Variants in SGMS2 observed in about 807,000 individuals in gnomAD.
SGMS2 encodes the protein phosphatidylcholine:ceramide cholinephosphotransferase 2.
Under a neutral mutation model 43.8 loss-of-function variants are expected in SGMS2, and 21 were observed. The ratio of observed to expected loss-of-function variants is 0.48; its 90% CI spans 0.34 to 0.69. The LOEUF is 0.69. SGMS2 is among the 30% of genes least tolerant of loss of function. SGMS2 has a pLI of 0.01. For synonymous variants in SGMS2, 167 were observed against 160.6 expected, an observed-to-expected ratio of 1.04 and a Z score of -0.30; for missense variants, 384 against 443.2, an observed-to-expected ratio of 0.87 and a Z score of 1.20.
intron 1 of SGMS2, among the ~76,000 whole-genome samples, chr4:107,853,677 T>C (rs1560639318): frequency 6.6e-6 from 1 of 152,212 alleles, no homozygotes; most frequent in East Asian, 1.9e-4. Context: ...TGAACAAATA[T>C]TTATAACCCT....
At chr4:107,863,401 C>G (rs919468213) in intron 2 of SGMS2, 1 of 152,166 alleles carries the variant, frequency 6.6e-6, no homozygotes, top group Non-Finnish European at 1.5e-5. Context: ...TTAGCTTGCT[C>G]GCCATGCTCT....
rs139689003 is a variant in SGMS2, at chr4:107,834,391, C to A, written c.-327+9138C>A. On this transcript the variant is annotated intron_variant, in intron 1 of 6. Transcript: ENST00000690982. ...AAAAAGTGTCTTAGTAATTCTGGAG[C>A]AGGTAGAGCCACTTGAATCTTTTTT... Among the ~76,000 whole-genome samples, 44 of 152,298 alleles carry A rather than the reference C, an allele frequency of 2.9e-4. No homozygotes were observed. The East Asian group carries it at 6.6e-3, about 23-fold the overall frequency.
chr4:107,892,726 G>T (rs1730336760), intron 2 of SGMS2, among the ~76,000 whole-genome samples: 1 of 152,084 alleles, frequency 6.6e-6, no homozygotes, highest in Admixed American at 6.6e-5. Flanking sequence ...GAGATAAATG[G>T]TTGCATTCTT....
intron 1 of SGMS2, among the ~76,000 whole-genome samples, chr4:107,827,030 T>G (rs1412814172): frequency 6.6e-6 from 1 of 152,224 alleles, no homozygotes; most frequent in South Asian, 2.1e-4. Flanking sequence ...TTTGTGGGAC[T>G]TTAAACAAAA....
At chr4:107,881,819 T>C (rs1729379401) in intron 2 of SGMS2, among the ~76,000 whole-genome samples, 1 of 152,150 alleles carries the variant, frequency 6.6e-6, no homozygotes, top group Admixed American at 6.6e-5. Flanking sequence ...CACCATAAGT[T>C]CAATTGTTTT....
chr4:107,835,498 C>G (rs951112830), intron 1 of SGMS2, among the ~76,000 whole-genome samples: 4 of 152,170 alleles, frequency 2.6e-5, no homozygotes, highest in Non-Finnish European at 5.9e-5. Flanking sequence ...GGTCTGTATT[C>G]TAAAATGCTT....
Position 107,911,401 on chromosome 4 carries a change from C to T in SGMS2, c.*848C>T, listed in dbSNP as rs2126171560. Reference sequence around the variant, plus strand: ...GGGCAGTCAACTCTTCTAGCACAGGCTGAAAACACGTGTGTGTCAACTGAG... The same window carrying T: ...GGGCAGTCAACTCTTCTAGCACAGGTTGAAAACACGTGTGTGTCAACTGAG... On this transcript the variant is annotated 3_prime_UTR_variant, in exon 7 of 7. Transcript: ENST00000690982. The T allele has an allele frequency of 6.6e-6, 1 of 152,338 alleles. No individual in the cohort carries two copies. The highest frequency in any genetic ancestry group is 2.4e-5 in the African/African-American group (1 of 41,588). The allele number at this position is 152,338 out of a possible 1,614,324, so 9.4% of individuals were successfully genotyped here.
intron 2 of SGMS2, among the ~76,000 whole-genome samples, chr4:107,875,957 C>T (rs983007769): frequency 6.6e-6 from 1 of 152,154 alleles, no homozygotes. Flanking sequence ...ATGCTCCCCA[C>T]TCCACAATGC....
chr4:107,866,854 A>T (rs1056451692), intron 2 of SGMS2: 2 of 152,178 alleles, frequency 1.3e-5, no homozygotes. Flanking sequence ...GAAATCTGTA[A>T]AGTAATGGTG....
At chr4:107,851,012 A>G (rs1727108114) in intron 1 of SGMS2, among the ~76,000 whole-genome samples, 1 of 152,166 alleles carries the variant, frequency 6.6e-6, no homozygotes, top group South Asian at 2.1e-4. Context: ...ACTCCTTAGC[A>G]TCCTGAATAT....
At chr4:107,882,530 A>G (rs577425401) in intron 2 of SGMS2, among the ~76,000 whole-genome samples, 1 of 152,212 alleles carries the variant, frequency 6.6e-6, no homozygotes, top group African/African-American at 2.4e-5. Flanking sequence ...TAGTTTGTAA[A>G]TATTTTCTCC....
At chr4:107,852,522 G>T (rs183350782) in intron 1 of SGMS2, among the ~76,000 whole-genome samples, 1 of 152,100 alleles carries the variant, frequency 6.6e-6, no homozygotes, top group African/African-American at 2.4e-5. Flanking sequence ...TCTATTATAT[G>T]TTAGCATTTT....
At chr4:107,846,462 A>G (rs1726826305) in intron 1 of SGMS2, among the ~76,000 whole-genome samples, 1 of 150,352 alleles carries the variant, frequency 6.7e-6, no homozygotes, top group Admixed American at 6.6e-5. Flanking sequence ...TTATGGCTGC[A>G]TAGTATTCCA....
chr4:107,865,028 A>G (rs76557582), intron 2 of SGMS2, among the ~76,000 whole-genome samples: 7,780 of 152,304 alleles, frequency 0.051, 251 homozygotes, highest in Middle Eastern at 0.13. Context: ...AACATTATTC[A>G]TAAAATATTA....
intron 1 of SGMS2, among the ~76,000 whole-genome samples, chr4:107,840,155 T>C (rs1726417500): frequency 6.6e-6 from 1 of 152,208 alleles, no homozygotes; most frequent in African/African-American, 2.4e-5. Flanking sequence ...TTTTTCACTT[T>C]TGCAACTAAA....
chr4:107,839,140 TC>T lies in SGMS2; in HGVS notation c.-327+13892del, dbSNP rs373174343. ...TTACCTATTTCAGAAACTCCATCTT[TC>T]CCCCACCTCTGAGTTCTTTGGGTGA... On this transcript the variant is annotated intron_variant, in intron 1 of 6. Transcript: ENST00000690982. Among the ~76,000 whole-genome samples the T allele has an allele frequency of 7.7e-4, 117 of 152,276 alleles. 1 individual carries two copies. Among genetic ancestry groups the T allele is most frequent in the African/African-American group, 2.5e-3 (103 of 41,564 alleles).
At chr4:107,844,422 A>G (rs923671915) in intron 1 of SGMS2, among the ~76,000 whole-genome samples, 1 of 150,260 alleles carries the variant, frequency 6.7e-6, no homozygotes, top group Non-Finnish European at 1.5e-5. Flanking sequence ...AAAGTGTCGG[A>G]TGGACATGGT....
At chr4:107,844,513 G>A (rs1726701821) in intron 1 of SGMS2, among the ~76,000 whole-genome samples, 1 of 151,942 alleles carries the variant, frequency 6.6e-6, no homozygotes, top group South Asian at 2.1e-4. Context: ...ACCAGCCTGG[G>A]CAATGTAAGG....
At chr4:107,866,881 A>G (rs767774657) in intron 2 of SGMS2, 7 of 152,202 alleles carry the variant, frequency 4.6e-5, no homozygotes, top group South Asian at 2.1e-4. Flanking sequence ...TGAGAAAACT[A>G]CAACCCAAGA....
Sources: gnomAD v4.1 joint callset for allele counts (sites outside exome capture counted in the v4.1 genomes callset) on GRCh38, gnomAD v4.1.1 for gene constraint, MANE v1.5 for transcripts, NCBI Gene and HGNC (gene_info 2026-07-23, HGNC 2026-07-21) for gene names.